EPRS1: variants seen among roughly 807,000 people sequenced by gnomAD.
EPRS1 encodes the protein glutamyl-prolyl-tRNA synthetase 1, also known as bifunctional glutamate/proline--tRNA ligase.
Under a neutral mutation model 188.3 loss-of-function variants are expected in EPRS1, and 107 were observed. The observed-to-expected ratio is 0.57, with a 90% CI of 0.49 to 0.67. EPRS1 has a LOEUF of 0.67. Among genes scored for constraint, EPRS1 ranks in the 30% least tolerant of loss-of-function variants. The pLI is 0.00. For missense variants in EPRS1, 1,577 were observed against 1,802.2 expected, an observed-to-expected ratio of 0.88 and a Z score of 2.26; for synonymous variants, 596 against 593.1, an observed-to-expected ratio of 1.00 and a Z score of -0.07.
At chr1:220,003,607 T>C (rs990266795) in intron 16 of EPRS1, among the ~76,000 whole-genome samples, 1 of 152,240 alleles carries the variant, frequency 6.6e-6, no homozygotes, top group South Asian at 2.1e-4. Flanking sequence ...AACTTCACTC[T>C]TTCATGTGTA....
At chr1:220,001,600 G>A (rs1661353613) in intron 16 of EPRS1, among the ~76,000 whole-genome samples, 1 of 152,152 alleles carries the variant, frequency 6.6e-6, no homozygotes, top group South Asian at 2.1e-4. Context: ...GCCTCCCAAA[G>A]TGCTGGGATA....
At chr1:220,034,889 A>G in intron 3 of EPRS1, 25 bp downstream of exon 3, 1 of 1,303,932 alleles carries the variant, frequency 7.7e-7, no homozygotes, top group Admixed American at 1.7e-5. Flanking sequence ...GACAAAACAC[A>G]CACAACAAAA....
chr1:219,972,242 C>T (rs1982986), intron 29 of EPRS1, 95 bp from the exon 30 acceptor site: 336,491 of 722,704 alleles, frequency 0.47, 79,452 homozygotes, highest in South Asian at 0.52. Flanking sequence ...AAAAGACAAC[C>T]TGGGAGTGAG....
At chr1:219,997,724 G>T (rs1306464541) in intron 17 of EPRS1, among the ~76,000 whole-genome samples, 1 of 152,050 alleles carries the variant, frequency 6.6e-6, no homozygotes, top group Non-Finnish European at 1.5e-5. Context: ...CTATAAAAGG[G>T]GGATAACCAT....
chr1:220,042,223 C>A (rs560038970), intron 1 of EPRS1, among the ~76,000 whole-genome samples: 1 of 151,284 alleles, frequency 6.6e-6, no homozygotes, highest in Admixed American at 6.6e-5. Flanking sequence ...TGGCTCATAC[C>A]TGTAATCCTA....
At chr1:219,991,911 T>C (rs1661132058) in intron 18 of EPRS1, among the ~76,000 whole-genome samples, 1 of 152,244 alleles carries the variant, frequency 6.6e-6, no homozygotes, top group African/African-American at 2.4e-5. Flanking sequence ...TGAACCATAA[T>C]CTGATGTAAG....
At chr1:220,037,230 C>T (rs750312825) in intron 2 of EPRS1, among the ~76,000 whole-genome samples, 1 of 151,766 alleles carries the variant, frequency 6.6e-6, no homozygotes, top group Non-Finnish European at 1.5e-5. Flanking sequence ...AGAGGCCAGG[C>T]GTGGTGGCTC....
intron 20 of EPRS1, among the ~76,000 whole-genome samples, chr1:219,984,582 A>AT (rs761168049): frequency 6.6e-6 from 1 of 151,916 alleles, no homozygotes; most frequent in Non-Finnish European, 1.5e-5. Flanking sequence ...CATCTGGCTT[A>AT]TTTTTTTATT....
chr1:220,025,577 TTAAAG>T (rs1475315932), intron 6 of EPRS1, among the ~76,000 whole-genome samples: 3 of 152,168 alleles, frequency 2.0e-5, no homozygotes, highest in African/African-American at 7.2e-5. Flanking sequence ...GATCATTTAA[TTAAAG>T]TAAAGCTGCT....
In EPRS1 at chr1:220,025,150, T is replaced by C. The variant is rs780308576; in HGVS notation, c.732A>G (p.Glu244=). The C allele has an allele frequency of 1.9e-6, 3 of 1,613,510 alleles. No individual in the cohort carries two copies. Among genetic ancestry groups the C allele is most frequent in the Middle Eastern group, 1.7e-4 (1 of 6,056 alleles). The change falls in exon 7 of 32, where the codon GAA becomes GAG. Residue 244 remains glutamate (E), a synonymous_variant. Coordinates refer to ENST00000366923, the MANE Select transcript of EPRS1 (RefSeq NM_004446.3). ...MRFDDTNPEK[E]KEDFEKVILE... ...TAATTACCTTCTCAAAATCTTCCTT[T>C]TCTTTTTCAGGATTTGTGTCATCAA...
intron 30 of EPRS1, among the ~76,000 whole-genome samples, chr1:219,969,547 A>G (rs1660626075): frequency 6.6e-6 from 1 of 152,190 alleles, no homozygotes; most frequent in Non-Finnish European, 1.5e-5. Flanking sequence ...TGTTGTTAAC[A>G]GCAACAATTA....
intron 30 of EPRS1, among the ~76,000 whole-genome samples, chr1:219,970,012 G>A (rs1279912302): frequency 6.6e-6 from 1 of 152,122 alleles, no homozygotes; most frequent in African/African-American, 2.4e-5. Flanking sequence ...AGTAGAGACG[G>A]GGTTTCGCCA....
At position 219,987,172 on chromosome 1, in the gene EPRS1, C is replaced by T. The variant is rs78638972; in HGVS notation, c.3008G>A (p.Gly1003Glu). The T allele has an allele frequency of 7.9e-5, 128 of 1,613,742 alleles. No homozygotes were observed. The East Asian group carries it at 2.7e-3, about 33-fold the overall frequency. The change falls in exon 20 of 32, where the codon GGA becomes GAA. Residue 1003 changes from glycine (G) to glutamate (E), a missense_variant. Physicochemically the swap from Gly to Glu is moderately conservative, Grantham distance 98. Coordinates refer to ENST00000366923, the MANE Select transcript of EPRS1 (RefSeq NM_004446.3). ...QGGGLSSSGA[G>E]EGQGPKKQTR... is the part of the protein sequence containing the mutation. ...CTGTTTCTTAGGCCCCTGCCCTTCT[C>T]CTGCTCCACTTGATGAGAGCCCACC... is the stretch of plus-strand genomic sequence containing the variant.
intron 23 of EPRS1, 104 bp downstream of exon 23, chr1:219,982,668 C>A: frequency 1.2e-6 from 1 of 843,222 alleles, no homozygotes; most frequent in South Asian, 1.5e-5. Flanking sequence ...GTTATATCGT[C>A]AACAGAGATT....
rs34026037 is a variant in EPRS1 at position 219,973,531 on chromosome 1, GAAA to G, written c.4084-136_4084-134del. ...AAAGGCAAAGCCAAAAAAAACAAGA[GAAA>G]AAAAAAAAACAGGTAATACTGCTGA... On this transcript the variant is annotated intron_variant, in intron 28 of 31. Coordinates refer to ENST00000366923, the MANE Select transcript of EPRS1 (RefSeq NM_004446.3). 3.0e-4 allele frequency: 106 copies of G among 358,852 alleles called. No homozygotes were observed. The East Asian group carries it at 3.2e-3, about 11-fold the overall frequency. The allele number at this position is 358,852 out of a possible 1,614,324, so 22.2% of individuals were successfully genotyped here.
intron 28 of EPRS1, among the ~76,000 whole-genome samples, chr1:219,977,899 A>G (rs944050064): frequency 6.6e-6 from 1 of 152,172 alleles, no homozygotes; most frequent in African/African-American, 2.4e-5. Context: ...TATAATATCA[A>G]TTTATATAGT....
At chr1:219,975,839 T>TAGG (rs1660767108) in intron 28 of EPRS1, among the ~76,000 whole-genome samples, 1 of 79,258 alleles carries the variant, frequency 1.3e-5, no homozygotes. Flanking sequence ...TGTACACATA[T>TAGG]CTGTATGTGT....
At chr1:220,027,469 G>A (rs1488193313) in intron 6 of EPRS1, among the ~76,000 whole-genome samples, 5 of 150,858 alleles carry the variant, frequency 3.3e-5, no homozygotes, top group African/African-American at 1.2e-4. Context: ...GTGGGCGCCT[G>A]TAATCCCAAC....
intron 16 of EPRS1, among the ~76,000 whole-genome samples, chr1:220,002,583 G>T (rs1212402565): frequency 6.6e-6 from 1 of 152,036 alleles, no homozygotes; most frequent in Non-Finnish European, 1.5e-5. Context: ...TTTAAGGGTG[G>T]GTATGGTGGC....
Sources: allele counts gnomAD v4.1 joint callset (sites outside exome capture counted in the v4.1 genomes callset), GRCh38; gene constraint gnomAD v4.1.1; transcripts MANE v1.5; gene names NCBI Gene and HGNC (gene_info 2026-07-23, HGNC 2026-07-21).